The following KCNT2 variants were observed in gnomAD, a reference collection of about 807,000 sequenced individuals.
KCNT2 encodes potassium sodium-activated channel subfamily T member 2.
Under a neutral mutation model 153.8 loss-of-function variants are expected in KCNT2, and 67 were observed. The ratio of observed to expected loss-of-function variants is 0.44; its 90% CI spans 0.36 to 0.53. The LOEUF (loss-of-function observed/expected upper bound fraction) is 0.53. Ranked by LOEUF, KCNT2 falls within the 20% of genes least tolerant of loss-of-function variation. The probability of loss-of-function intolerance (pLI) is 0.00; values close to 1 mark genes in which losing one functional copy is unlikely to be tolerated. For missense variants in KCNT2, 975 were observed against 1,354.8 expected, an observed-to-expected ratio of 0.72 and a Z score of 4.40; for synonymous variants, 500 against 458.8, an observed-to-expected ratio of 1.09 and a Z score of -1.15.
chr1:196,353,427 C>T (rs1325886085), intron 14 of KCNT2, among the ~76,000 whole-genome samples: 1 of 151,866 alleles, frequency 6.6e-6, no homozygotes, highest in Non-Finnish European at 1.5e-5. Flanking sequence ...TTTTTGTCCT[C>T]AGTTTTGGAT....
chr1:196,284,392 C>T (rs1659456780), intron 23 of KCNT2, among the ~76,000 whole-genome samples: 1 of 147,832 alleles, frequency 6.8e-6, no homozygotes, highest in African/African-American at 2.5e-5. Context: ...CTACTGCTTT[C>T]CATTTCTATA....
At chr1:196,427,993 G>T in intron 10 of KCNT2, 112 bp downstream of exon 10, 1 of 698,712 alleles carries the variant, frequency 1.4e-6, no homozygotes, top group Non-Finnish European at 2.4e-6. Flanking sequence ...TTCTATATTT[G>T]GTTGTATAAA....
chr1:196,260,467 C>T (rs1656907271), intron 25 of KCNT2, among the ~76,000 whole-genome samples: 1 of 151,584 alleles, frequency 6.6e-6, no homozygotes, highest in African/African-American at 2.4e-5. Flanking sequence ...ATAGCCTATT[C>T]AGCATTATTT....
At chr1:196,411,056 TCCC>T (rs1250168145) in intron 12 of KCNT2, among the ~76,000 whole-genome samples, 1 of 58,166 alleles carries the variant, frequency 1.7e-5, no homozygotes, top group East Asian at 6.2e-4. Context: ...CCTCCTCTAT[TCCC>T]TCCTTCCTTC....
At chr1:196,352,700 T>A (rs1666832529) in intron 14 of KCNT2, among the ~76,000 whole-genome samples, 1 of 152,186 alleles carries the variant, frequency 6.6e-6, no homozygotes, top group Non-Finnish European at 1.5e-5. Flanking sequence ...TGTGCCTCTA[T>A]TTCTGTCAGT....
intron 5 of KCNT2, among the ~76,000 whole-genome samples, chr1:196,473,781 G>A (rs78125836): frequency 0.016 from 2,394 of 151,948 alleles, 52 homozygotes; most frequent in South Asian, 0.071. Flanking sequence ...GTCCCAATAA[G>A]CATAAATCAC....
At chr1:196,327,269 T>C (rs538540433) in intron 18 of KCNT2, among the ~76,000 whole-genome samples, 5 of 151,848 alleles carry the variant, frequency 3.3e-5, no homozygotes, top group Admixed American at 6.6e-5. Flanking sequence ...TTCAGGAACA[T>C]TCCCAGTACT....
rs1311520146 is a variant in KCNT2, at chr1:196,319,512, C to T, written c.2320G>A (p.Val774Ile). The T allele has an allele frequency of 6.2e-7, 1 of 1,610,014 alleles. No individual in the cohort carries two copies. The highest frequency in any genetic ancestry group is 8.5e-7 in the Non-Finnish European group (1 of 1,177,468). The change falls in exon 20 of 28, where the codon GTT (valine) becomes ATT (isoleucine). Residue 774 changes from valine (V) to isoleucine (I), a missense_variant. Transcript: ENST00000294725. ...TCAATAGAGCCCACCATGTAGTAAA[C>T]CATTGGAAACCAACAGATTGCATCC... is the stretch of plus-strand genomic sequence containing the variant. The part of the protein sequence containing the change: ...FLDAICWFPM[V>I]YYMVGSIDNL...
intron 22 of KCNT2, among the ~76,000 whole-genome samples, chr1:196,304,497 GCACGAGCCGCCA>G: frequency 6.6e-6 from 1 of 152,138 alleles, no homozygotes; most frequent in South Asian, 2.1e-4. Context: ...CTGATTATAG[GCACGAGCCGCCA>G]CACCCAGGTT....
At chr1:196,326,461 T>C (rs1244034904) in intron 19 of KCNT2, among the ~76,000 whole-genome samples, 2 of 152,144 alleles carry the variant, frequency 1.3e-5, no homozygotes, top group South Asian at 2.1e-4. Flanking sequence ...TGTGGTATTA[T>C]GAGTAGATGA....
chr1:196,590,894 G>A (rs571954492), intron 1 of KCNT2, among the ~76,000 whole-genome samples: 152 of 152,220 alleles, frequency 1.0e-3, no homozygotes, highest in African/African-American at 3.4e-3. Context: ...GGGAGGAGGA[G>A]GTGGGTGGAT....
At chr1:196,517,712 A>C (rs1652786295) in intron 1 of KCNT2, among the ~76,000 whole-genome samples, 1 of 152,220 alleles carries the variant, frequency 6.6e-6, no homozygotes, top group African/African-American at 2.4e-5. Context: ...ACACTCAGAC[A>C]AAAATAAAGA....
chr1:196,387,784 T>C (rs1245129367), intron 13 of KCNT2, among the ~76,000 whole-genome samples: 3 of 151,948 alleles, frequency 2.0e-5, no homozygotes, highest in Non-Finnish European at 2.9e-5. Context: ...AAAATTGAAT[T>C]GTAGGAGTTC....
chr1:196,518,716 CAAG>C lies in KCNT2; in HGVS notation c.96-26378_96-26376del, dbSNP rs1185259945. On this transcript the variant is annotated intron_variant, in intron 1 of 27. Coordinates refer to ENST00000294725, the MANE Select transcript of KCNT2 (RefSeq NM_198503.5). ...TTACATAATGGTAAAGGGTTCAATT[CAAG>C]AAGAAGACCTAACTATCCTAAATAC... Among the ~76,000 whole-genome samples, 8 of 152,204 alleles carry C rather than the reference CAAG, an allele frequency of 5.3e-5. No homozygotes were observed. The East Asian group carries it at 5.8e-4, about 11-fold the overall frequency.
chr1:196,531,186 C>A (rs1490111785), intron 1 of KCNT2, among the ~76,000 whole-genome samples: 3 of 152,074 alleles, frequency 2.0e-5, no homozygotes, highest in African/African-American at 7.2e-5. Context: ...GCTTTGGAGA[C>A]ATTTTCTTCA....
intron 8 of KCNT2, among the ~76,000 whole-genome samples, chr1:196,460,795 T>C (rs1379074066): frequency 6.6e-6 from 1 of 151,768 alleles, no homozygotes; most frequent in Non-Finnish European, 1.5e-5. Context: ...ATTATGCAGA[T>C]TATATTGAAT....
At chr1:196,453,233 T>C (rs1356917797) in intron 8 of KCNT2, among the ~76,000 whole-genome samples, 3 of 151,776 alleles carry the variant, frequency 2.0e-5, no homozygotes, top group Non-Finnish European at 4.4e-5. Flanking sequence ...ACGATATTCT[T>C]AGGATCTGAC....
intron 14 of KCNT2, among the ~76,000 whole-genome samples, chr1:196,344,093 T>C (rs1665926867): frequency 6.6e-6 from 1 of 152,170 alleles, no homozygotes; most frequent in Non-Finnish European, 1.5e-5. Context: ...CTCTACAATC[T>C]TTTGTGAGTT....
chr1:196,316,607 A>G (rs1428041550), intron 20 of KCNT2, among the ~76,000 whole-genome samples: 1 of 151,702 alleles, frequency 6.6e-6, no homozygotes, highest in Admixed American at 6.6e-5. Context: ...ATGCAAGCCT[A>G]CTGTTTAGCC....
Sources: allele counts gnomAD v4.1 joint callset (sites outside exome capture counted in the v4.1 genomes callset), GRCh38; gene constraint gnomAD v4.1.1; transcripts MANE v1.5; gene names NCBI Gene and HGNC (gene_info 2026-07-23, HGNC 2026-07-21).